Variants in KCNQ1 observed in about 807,000 individuals in gnomAD.
KCNQ1 encodes the protein potassium voltage-gated channel subfamily Q member 1, also known as potassium voltage-gated channel subfamily KQT member 1.
A neutral mutation model predicts 72.4 loss-of-function variants in KCNQ1; 49 were observed. The observed-to-expected ratio is 0.68, with a 90% CI of 0.54 to 0.86. The LOEUF is 0.86. KCNQ1 is among the 40% of genes least tolerant of loss of function. The probability of loss-of-function intolerance (pLI) is 0.00; values close to 1 mark genes in which losing one functional copy is unlikely to be tolerated. For missense variants in KCNQ1, 790 were observed against 945.1 expected (o/e 0.84, Z 2.15); for synonymous variants, 450 against 412.6 (o/e 1.09, Z -1.10).
chr11:2,569,456 G>A (rs1192640821), intron 2 of KCNQ1, among the ~76,000 whole-genome samples: 2 of 152,180 alleles, frequency 1.3e-5, no homozygotes, highest in African/African-American at 2.4e-5. Context: ...TGGTGGGGGC[G>A]TGGCATGGGA....
At chr11:2,846,245 G>T (rs1848326524) in intron 15 of KCNQ1, among the ~76,000 whole-genome samples, 1 of 152,214 alleles carries the variant, frequency 6.6e-6, no homozygotes. Context: ...TAGGGCCAGT[G>T]GTTGACGTTG....
At position 2,623,501 on chromosome 11, in the gene KCNQ1, A is replaced by G; in HGVS notation, c.1393+34647A>G. The stretch of plus-strand genomic sequence containing the variant: ...ATAGCATTGCCTTTTCTAAAATGCA[A>G]TATGATTGGAATCATACAGTATGTA... On this transcript the variant is annotated intron_variant, in intron 10 of 15. Transcript: ENST00000155840. This position sits in a 1 kb window ranked among gnomAD's most constrained non-coding sequence, Gnocchi z 5.2. 1 of 398,624 alleles carries G rather than the reference A, an allele frequency of 2.5e-6. No homozygotes were observed. Among genetic ancestry groups the G allele is most frequent in the Admixed American group, 4.4e-5 (1 of 22,736 alleles). The allele number at this position is 398,624 out of a possible 1,614,324, so 24.7% of individuals were successfully genotyped here.
chr11:2,581,313 C>A (rs944320662), intron 6 of KCNQ1, among the ~76,000 whole-genome samples: 1 of 152,210 alleles, frequency 6.6e-6, no homozygotes, highest in Admixed American at 6.5e-5. Flanking sequence ...GTGGAAGTCA[C>A]TCCCCAGGGC....
At chr11:2,666,570 A>T in intron 11 of KCNQ1, 1 of 398,638 alleles carries the variant, frequency 2.5e-6, no homozygotes, top group East Asian at 3.6e-5. Flanking sequence ...ATTTGTCAGC[A>T]AGGACAGGGC....
rs1034551043 is a variant in KCNQ1, at chr11:2,624,577, A to G, written c.1393+35723A>G. 4 of 398,392 alleles carry G rather than the reference A, an allele frequency of 1.0e-5. No homozygotes were observed. The highest frequency in any genetic ancestry group is 4.4e-5 in the Admixed American group (1 of 22,708). The allele number at this position is 398,392 out of a possible 1,614,324, so 24.7% of individuals were successfully genotyped here. A position where few individuals can be genotyped will look rare whatever the true frequency, so the allele number is the denominator to read the frequency against. On this transcript the variant is annotated intron_variant, in intron 10 of 15. Coordinates refer to ENST00000155840, the MANE Select transcript of KCNQ1 (RefSeq NM_000218.3). The surrounding 1 kb of genome is among the most constrained non-coding windows in gnomAD (Gnocchi z 4.9). ...TTTCCAAATCTTTTATTGTGGCAAA[A>G]TACACTTAACATAAAAATTACCATC...
Position 2,777,654 on chromosome 11 carries a change from G to A in KCNQ1, c.1733-322G>A, listed in dbSNP as rs11826215. ...GTGCCCCCAGCCTGGAGTCAGGCCT[G>A]TGTCGCCCTGGGAGTGGAATGGCAT... On this transcript the variant is annotated intron_variant, in intron 14 of 15. Coordinates refer to ENST00000155840, the MANE Select transcript of KCNQ1 (RefSeq NM_000218.3). The A allele has an allele frequency of 2.6e-3, 1,532 of 594,672 alleles. 10 individuals are homozygous for A. Among genetic ancestry groups the A allele is most frequent in the East Asian group, 0.02 (704 of 36,100 alleles). 36.8% of individuals were successfully genotyped at this position (594,672 alleles called of 1,614,324 possible).
At position 2,673,512 on chromosome 11, in the gene KCNQ1, C is replaced by G. The variant is rs1188936951; in HGVS notation, c.1514+11431C>G. Reference sequence around the variant, plus strand: ...TGCTCATCACAACCACTTGTTGATGCTGACAGCCTGTAGAAAGATTGCTCT... The same window carrying G: ...TGCTCATCACAACCACTTGTTGATGGTGACAGCCTGTAGAAAGATTGCTCT... On this transcript the variant is annotated intron_variant, in intron 11 of 15. Transcript: ENST00000155840. This position sits in a 1 kb window ranked among gnomAD's most constrained non-coding sequence, Gnocchi z 4.5. 1 of 398,522 alleles carries G rather than the reference C, an allele frequency of 2.5e-6. No individual in the cohort carries two copies. The allele number at this position is 398,522 out of a possible 1,614,324, so 24.7% of individuals were successfully genotyped here. A position where few individuals can be genotyped will look rare whatever the true frequency, so the allele number is the denominator to read the frequency against.
In KCNQ1 at chr11:2,752,472, A is replaced by G. The variant is rs1277181484; in HGVS notation, c.1515-16372A>G. Reference sequence around the variant, plus strand: ...AGTCTGCTATAACCAAATACCTTAGACCTGGTGATTCATACTTAGGAATTC... The same window carrying G: ...AGTCTGCTATAACCAAATACCTTAGGCCTGGTGATTCATACTTAGGAATTC... On this transcript the variant is annotated intron_variant, in intron 11 of 15. Transcript: ENST00000155840. The surrounding 1 kb of genome is among the most constrained non-coding windows in gnomAD (Gnocchi z 5.2). 6.6e-6 allele frequency among the ~76,000 whole-genome samples: 1 copy of G among 151,628 alleles called. No individual in the cohort carries two copies. The highest frequency in any genetic ancestry group is 2.4e-5 in the African/African-American group (1 of 41,236).
intron 1 of KCNQ1, among the ~76,000 whole-genome samples, chr11:2,527,691 G>C (rs963153118): frequency 2.6e-5 from 4 of 152,230 alleles, no homozygotes; most frequent in Non-Finnish European, 5.9e-5. Context: ...CATGTTTCTC[G>C]GACCCATCCA....
intron 2 of KCNQ1, among the ~76,000 whole-genome samples, chr11:2,535,572 C>T (rs1847715838): frequency 6.6e-6 from 1 of 152,202 alleles, no homozygotes; most frequent in Admixed American, 6.5e-5. Flanking sequence ...AAATCCCCAT[C>T]CACCAGGAGC....
Position 2,677,055 on chromosome 11 carries a change from A to T in KCNQ1, c.1514+14974A>T. 1 of 398,638 alleles carries T rather than the reference A, an allele frequency of 2.5e-6. No individual in the cohort carries two copies. The highest frequency in any genetic ancestry group is 4.4e-6 in the Non-Finnish European group (1 of 226,058). The allele number at this position is 398,638 out of a possible 1,614,324, so 24.7% of individuals were successfully genotyped here. A position where few individuals can be genotyped will look rare whatever the true frequency, so the allele number is the denominator to read the frequency against. On this transcript the variant is annotated intron_variant, in intron 11 of 15. Transcript: ENST00000155840. The surrounding 1 kb of genome is among the most constrained non-coding windows in gnomAD (Gnocchi z 4.5). ...TGATGGATATGTAGGGCAGCTAAAA[A>T]ACAGCAGCCATTAACCATTCAAATA...
chr11:2,833,913 G>A (rs382774), intron 15 of KCNQ1, among the ~76,000 whole-genome samples: 2 of 152,206 alleles, frequency 1.3e-5, no homozygotes, highest in African/African-American at 2.4e-5. Flanking sequence ...TGGAGCCCCA[G>A]CAACTTCCTG....
intron 6 of KCNQ1, among the ~76,000 whole-genome samples, chr11:2,574,416 G>A (rs1206549836): frequency 3.4e-5 from 5 of 149,118 alleles, no homozygotes; most frequent in Non-Finnish European, 6.0e-5. Flanking sequence ...GGAGGCCGTC[G>A]AAGCCCACAC....
At chr11:2,799,525 G>A (rs899650647) in intron 15 of KCNQ1, among the ~76,000 whole-genome samples, 5 of 151,694 alleles carry the variant, frequency 3.3e-5, no homozygotes, top group Non-Finnish European at 7.4e-5. Flanking sequence ...CTACGTGTGA[G>A]TGTGGTGTGT....
intron 10 of KCNQ1, chr11:2,618,388 C>G (rs1442818491): frequency 2.0e-5 from 8 of 398,400 alleles, no homozygotes; most frequent in Non-Finnish European, 3.1e-5. Context: ...CCTGGGCTTA[C>G]ATGTGGTCTG....
intron 11 of KCNQ1, chr11:2,680,324 C>CAA (rs34634347): frequency 2.7e-4 from 106 of 389,648 alleles, no homozygotes; most frequent in Admixed American, 9.9e-4. Context: ...TTCCCCACCT[C>CAA]AAAAAAAAAG....
At chr11:2,622,150 T>C (rs1008617601) in intron 10 of KCNQ1, 1 of 398,234 alleles carries the variant, frequency 2.5e-6, no homozygotes, top group East Asian at 3.6e-5. Context: ...GAAAGTACGT[T>C]ATTGAAGTCC....
Position 2,766,533 on chromosome 11 carries a change from A to G in KCNQ1, c.1515-2311A>G, listed in dbSNP as rs115134390. Among the ~76,000 whole-genome samples the G allele has an allele frequency of 5.6e-3, 853 of 152,282 alleles. 8 individuals are homozygous for G. The highest frequency in any genetic ancestry group is 0.019 in the African/African-American group (809 of 41,548). On this transcript the variant is annotated intron_variant, in intron 11 of 15. Transcript: ENST00000155840. The surrounding 1 kb of genome is among the most constrained non-coding windows in gnomAD (Gnocchi z 4.4). ...TTCAGAAGACATGATCATTTCCACC[A>G]TGGTGGAGATAGACTCTAGCCTGCA...
rs1848623728 is a variant in KCNQ1 at position 2,588,357 on chromosome 11, T to G, written c.1252-356T>G. On this transcript the variant is annotated intron_variant, in intron 9 of 15. Transcript: ENST00000155840. This position sits in a 1 kb window ranked among gnomAD's most constrained non-coding sequence, Gnocchi z 5.6. ...CTGCTCCCTCACTTCAGGCGCCCTCTTCATGCCCTGCTGGCCCCCAGCCTG... is the reference window on the plus strand; with the variant it reads ...CTGCTCCCTCACTTCAGGCGCCCTCGTCATGCCCTGCTGGCCCCCAGCCTG... 6.6e-6 allele frequency among the ~76,000 whole-genome samples: 1 copy of G among 152,178 alleles called. No homozygotes were observed.
Sources: gnomAD v4.1 joint callset for allele counts (sites outside exome capture counted in the v4.1 genomes callset) on GRCh38, gnomAD v4.1.1 for gene constraint, Gnocchi (gnomAD v3.1) non-coding constraint, MANE v1.5 for transcripts, NCBI Gene and HGNC (gene_info 2026-07-23, HGNC 2026-07-21) for gene names.